NCAM2: variants seen among roughly 807,000 people sequenced by gnomAD.
NCAM2 encodes N-CAM-2.
Under a neutral mutation model 98.1 loss-of-function variants are expected in NCAM2, and 30 were observed. That is an observed-to-expected ratio of 0.31 (90% CI 0.23 to 0.41). NCAM2 has a LOEUF of 0.41. Among genes scored for constraint, NCAM2 ranks in the 10% least tolerant of loss-of-function variants. NCAM2 has a pLI of 1.00. For missense variants in NCAM2, 867 were observed against 1,005.8 expected, an observed-to-expected ratio of 0.86 and a Z score of 1.87; for synonymous variants, 368 against 342.4, an observed-to-expected ratio of 1.07 and a Z score of -0.83.
intron 11 of NCAM2, among the ~76,000 whole-genome samples, chr21:21,420,635 A>T (rs2077092527): frequency 6.6e-6 from 1 of 151,960 alleles, no homozygotes; most frequent in African/African-American, 2.4e-5. Context: ...TATTAATGTC[A>T]TTGATCGTAA....
chr21:21,001,575 A>G (rs2064019982), intron 1 of NCAM2, among the ~76,000 whole-genome samples: 1 of 152,162 alleles, frequency 6.6e-6, no homozygotes, highest in African/African-American at 2.4e-5. Context: ...AAACTGTTGT[A>G]TGTATGGATT....
intron 1 of NCAM2, among the ~76,000 whole-genome samples, chr21:21,137,378 A>T (rs746890494): frequency 6.6e-6 from 1 of 152,250 alleles, no homozygotes; most frequent in Non-Finnish European, 1.5e-5. Flanking sequence ...GCACACTTAA[A>T]AATAATTGAT....
chr21:21,066,658 C>CT (rs777697644), intron 1 of NCAM2, among the ~76,000 whole-genome samples: 9 of 151,822 alleles, frequency 5.9e-5, no homozygotes, highest in Non-Finnish European at 1.3e-4. Context: ...AGGTTGTTGG[C>CT]TTTTTTGTTG....
At chr21:21,226,874 T>C (rs1186259779) in intron 1 of NCAM2, 1 of 152,004 alleles carries the variant, frequency 6.6e-6, no homozygotes, top group Non-Finnish European at 1.5e-5. Context: ...AGCATATTAA[T>C]ACATTTGACC....
chr21:21,318,470 C>T (rs1267807134), intron 5 of NCAM2, among the ~76,000 whole-genome samples: 2 of 151,916 alleles, frequency 1.3e-5, no homozygotes, highest in East Asian at 1.9e-4. Context: ...GGTAAAATGT[C>T]GTAGACATCT....
At chr21:21,121,520 A>G (rs1258892922) in intron 1 of NCAM2, among the ~76,000 whole-genome samples, 1 of 151,674 alleles carries the variant, frequency 6.6e-6, no homozygotes, top group Non-Finnish European at 1.5e-5. Flanking sequence ...GGCTCTAATT[A>G]TGAAGGTAAA....
Position 21,374,385 on chromosome 21 carries a change from C to T in NCAM2, c.1195+372C>T, listed in dbSNP as rs1268396787. On this transcript the variant is annotated intron_variant, in intron 9 of 17. Coordinates refer to ENST00000400546, the MANE Select transcript of NCAM2 (RefSeq NM_004540.5). ...TTATGTCTCAAATATGTAGTGTTTA[C>T]ATTTCTTATTCAAATTGTTTTGTTA... Among the ~76,000 whole-genome samples the T allele has an allele frequency of 3.3e-5, 5 of 151,714 alleles. No individual in the cohort carries two copies. In the East Asian group the frequency reaches 9.7e-4, roughly 29 times the overall value.
rs1160880543 is a variant in NCAM2 at position 21,034,056 on chromosome 21, G to GT, written c.55+35438_55+35439insT. Among the ~76,000 whole-genome samples, 9 of 151,194 alleles carry GT rather than the reference G, an allele frequency of 6.0e-5. No individual in the cohort carries two copies. In the East Asian group the frequency reaches 1.6e-3, roughly 27 times the overall value. On this transcript the variant is annotated intron_variant, in intron 1 of 17. Transcript: ENST00000400546. ...TGTGAGATAAGAGATAGGCAAAGGG[G>GT]GGGGGGAAACAAAGATTGAGATAAG... is the stretch of plus-strand genomic sequence containing the variant.
At chr21:21,051,846 T>C (rs1435299473) in intron 1 of NCAM2, among the ~76,000 whole-genome samples, 1 of 152,166 alleles carries the variant, frequency 6.6e-6, no homozygotes, top group African/African-American at 2.4e-5. Flanking sequence ...TGGCTCTCTG[T>C]AACTGATATT....
chr21:21,280,628 G>C lies in NCAM2; in HGVS notation c.106G>C (p.Glu36Gln). The C allele has an allele frequency of 6.3e-7, 1 of 1,597,612 alleles. No individual in the cohort carries two copies. Among genetic ancestry groups the C allele is most frequent in the South Asian group, 1.1e-5 (1 of 88,378 alleles). Residue 36 changes from glutamate to glutamine, a missense_variant, in exon 2 of 18, where the codon GAA becomes CAA. Coordinates refer to ENST00000400546, the MANE Select transcript of NCAM2 (RefSeq NM_004540.5). Reference protein sequence around the residue: ...SLSKVELSVGESKFFTCTAIG... With the variant: ...SLSKVELSVGQSKFFTCTAIG... Reference sequence around the variant, plus strand: ...TAGCAAAGTAGAGCTTAGTGTTGGAGAATCTAAATTCTTCACATGTACAGG... The same window carrying C: ...TAGCAAAGTAGAGCTTAGTGTTGGACAATCTAAATTCTTCACATGTACAGG...
chr21:21,151,079 A>G (rs1328966487), intron 1 of NCAM2, among the ~76,000 whole-genome samples: 6 of 151,600 alleles, frequency 4.0e-5, no homozygotes, highest in Admixed American at 1.3e-4. Flanking sequence ...TTAAATTTAT[A>G]TTTTTATTTT....
chr21:21,006,672 T>C (rs1238652753), intron 1 of NCAM2, among the ~76,000 whole-genome samples: 3 of 152,216 alleles, frequency 2.0e-5, no homozygotes, highest in African/African-American at 7.2e-5. Flanking sequence ...CTTCCTTTAG[T>C]ACAAGTATTC....
rs76776604 is a variant in NCAM2 at position 21,514,893 on chromosome 21, C to T, written c.2282+5838C>T. 6.6e-3 allele frequency among the ~76,000 whole-genome samples: 1,006 copies of T among 152,240 alleles called. 9 individuals are homozygous for T. Among genetic ancestry groups the T allele is most frequent in the African/African-American group, 0.023 (955 of 41,542 alleles). ...CACCAATGCCAGACTTTATTAACCA[C>T]TAAATCTTTGCCATGGTTGTTTTCT... On this transcript the variant is annotated intron_variant, in intron 16 of 17. Coordinates refer to ENST00000400546, the MANE Select transcript of NCAM2 (RefSeq NM_004540.5).
At chr21:21,271,527 T>C (rs912721595) in intron 1 of NCAM2, among the ~76,000 whole-genome samples, 1 of 152,230 alleles carries the variant, frequency 6.6e-6, no homozygotes, top group Non-Finnish European at 1.5e-5. Context: ...TTCTGCATAT[T>C]AAAATTATGT....
chr21:21,255,558 T>A (rs2071635478), intron 1 of NCAM2, among the ~76,000 whole-genome samples: 1 of 152,222 alleles, frequency 6.6e-6, no homozygotes, highest in East Asian at 1.9e-4. Context: ...TTTCAAACTG[T>A]TCTGAAGAAT....
intron 1 of NCAM2, among the ~76,000 whole-genome samples, chr21:21,022,636 G>C (rs2064461075): frequency 6.6e-6 from 1 of 151,788 alleles, no homozygotes; most frequent in Admixed American, 6.6e-5. Context: ...TAAAACATAG[G>C]TTACTATTTA....
chr21:21,538,890 T>C lies in NCAM2; in HGVS notation c.*933T>C, dbSNP rs994102927. On this transcript the variant is annotated 3_prime_UTR_variant, in exon 18 of 18. Coordinates refer to ENST00000400546, the MANE Select transcript of NCAM2 (RefSeq NM_004540.5). Reference sequence around the variant, plus strand: ...ACTTCAAATCATATCCTCAGATATATTTTTAGCCCATGGTTTTATATAATC... The same window carrying C: ...ACTTCAAATCATATCCTCAGATATACTTTTAGCCCATGGTTTTATATAATC... 5.9e-5 allele frequency: 9 copies of C among 152,264 alleles called. No homozygotes were observed. Among genetic ancestry groups the C allele is most frequent in the Middle Eastern group, 6.8e-3 (2 of 294 alleles). 9.4% of individuals were successfully genotyped at this position (152,264 alleles called of 1,614,324 possible).
intron 1 of NCAM2, among the ~76,000 whole-genome samples, chr21:21,118,332 C>G (rs145557274): frequency 0.016 from 2,410 of 151,970 alleles, 65 homozygotes; most frequent in African/African-American, 0.054. Context: ...AAAGATGCAG[C>G]GGGGGGGCAG....
intron 1 of NCAM2, among the ~76,000 whole-genome samples, chr21:21,053,910 A>G (rs1485848353): frequency 6.8e-6 from 1 of 148,018 alleles, no homozygotes; most frequent in East Asian, 2.0e-4. Flanking sequence ...CTATGAGTAC[A>G]TACCTGTTCC....
Sources: allele counts gnomAD v4.1 joint callset (sites outside exome capture counted in the v4.1 genomes callset), GRCh38; gene constraint gnomAD v4.1.1; transcripts MANE v1.5; gene names NCBI Gene and HGNC (gene_info 2026-07-23, HGNC 2026-07-21).